The following NRG3 variants were observed in gnomAD, a reference collection of about 807,000 sequenced individuals.
NRG3 encodes neuregulin 3.
Under a neutral mutation model 66.9 loss-of-function variants are expected in NRG3, and 31 were observed. That is an observed-to-expected ratio of 0.46 (90% confidence interval 0.35 to 0.63). NRG3 has a LOEUF of 0.63. Ranked by LOEUF, NRG3 falls within the 20% of genes least tolerant of loss-of-function variation. The probability of loss-of-function intolerance (pLI) is 0.00; values close to 1 mark genes in which losing one functional copy is unlikely to be tolerated. For missense variants in NRG3, 910 were observed against 878.9 expected (o/e 1.04, Z -0.45); for synonymous variants, 393 against 359.4 (o/e 1.09, Z -1.06).
At chr10:82,615,619 G>T (rs1565129394) in intron 2 of NRG3, among the ~76,000 whole-genome samples, 1 of 152,132 alleles carries the variant, frequency 6.6e-6, no homozygotes, top group Non-Finnish European at 1.5e-5. Context: ...GTTAGAAATA[G>T]AATGGGATCA....
chr10:82,817,520 T>A (rs1163544477), intron 3 of NRG3, among the ~76,000 whole-genome samples: 2 of 152,240 alleles, frequency 1.3e-5, no homozygotes, highest in Non-Finnish European at 2.9e-5. Context: ...TTGCTTTGTT[T>A]GCTTCTCTTA....
intron 1 of NRG3, among the ~76,000 whole-genome samples, chr10:81,999,375 A>C (rs2061076735): frequency 6.6e-6 from 1 of 150,872 alleles, no homozygotes; most frequent in African/African-American, 2.5e-5. Flanking sequence ...GTTTTCAACT[A>C]AGTTATTTTG....
chr10:82,251,722 G>T (rs1039966800), intron 1 of NRG3, among the ~76,000 whole-genome samples: 1 of 152,146 alleles, frequency 6.6e-6, no homozygotes, highest in Admixed American at 6.5e-5. Context: ...GGCAAGGTAG[G>T]GATCTTCGTT....
intron 1 of NRG3, among the ~76,000 whole-genome samples, chr10:81,911,536 A>G (rs1845147257): frequency 6.6e-6 from 1 of 151,048 alleles, no homozygotes; most frequent in Non-Finnish European, 1.5e-5. Flanking sequence ...CAGCAGGTCA[A>G]GTCCCATTTG....
chr10:82,836,780 C>T (rs547364260), intron 3 of NRG3, among the ~76,000 whole-genome samples: 64 of 151,118 alleles, frequency 4.2e-4, no homozygotes, highest in African/African-American at 1.3e-3. Context: ...ATGTACACAA[C>T]GTGCAGGTTA....
intron 2 of NRG3, among the ~76,000 whole-genome samples, chr10:82,364,746 A>G (rs767561615): frequency 6.6e-6 from 1 of 152,250 alleles, no homozygotes; most frequent in Non-Finnish European, 1.5e-5. Context: ...TTTGACCTGT[A>G]TTGACCATTT....
chr10:82,501,236 G>A lies in NRG3; in HGVS notation c.953+142368G>A, dbSNP rs897280787. On this transcript the variant is annotated intron_variant, in intron 2 of 8. Coordinates refer to ENST00000372141, the MANE Select transcript of NRG3 (RefSeq NM_001010848.4). ...AAGCACGGCCAAGTAAGAAAGAAGTGGACTGGAGATAGAGCTGCCATCTAT... is the reference window on the plus strand; with the variant it reads ...AAGCACGGCCAAGTAAGAAAGAAGTAGACTGGAGATAGAGCTGCCATCTAT... 3.9e-5 allele frequency among the ~76,000 whole-genome samples: 6 copies of A among 152,140 alleles called. No individual in the cohort carries two copies. The East Asian group carries it at 9.7e-4, about 25-fold the overall frequency.
chr10:81,969,771 G>C (rs1041348236), intron 1 of NRG3, among the ~76,000 whole-genome samples: 5 of 137,818 alleles, frequency 3.6e-5, no homozygotes, highest in Non-Finnish European at 4.5e-5. Context: ...TGGACATTTT[G>C]AGTGTGTGTG....
chr10:82,611,412 C>T (rs375644424), intron 2 of NRG3, among the ~76,000 whole-genome samples: 8 of 152,050 alleles, frequency 5.3e-5, no homozygotes, highest in African/African-American at 1.9e-4. Context: ...TGCTATCCCT[C>T]CCCCAGCCCC....
chr10:82,673,336 A>T (rs2053436892), intron 2 of NRG3, among the ~76,000 whole-genome samples: 2 of 152,222 alleles, frequency 1.3e-5, no homozygotes, highest in Non-Finnish European at 2.9e-5. Flanking sequence ...TTTCAATGGT[A>T]AATAGTAGAG....
intron 2 of NRG3, among the ~76,000 whole-genome samples, chr10:82,719,097 G>A (rs2057143679): frequency 6.6e-6 from 1 of 152,188 alleles, no homozygotes; most frequent in Non-Finnish European, 1.5e-5. Flanking sequence ...TGAGTGCCCA[G>A]AGGGGATAAA....
At position 82,678,835 on chromosome 10, in the gene NRG3, A is replaced by T. The variant is rs952832102; in HGVS notation, c.954-59742A>T. ...TGCATTTTATGGAGCTCCTTTCCTC[A>T]GAAGAGTGTTGACAGGATAAAAACA... is the stretch of plus-strand genomic sequence containing the variant. On this transcript the variant is annotated intron_variant, in intron 2 of 8. Coordinates refer to ENST00000372141, the MANE Select transcript of NRG3 (RefSeq NM_001010848.4). 2.0e-5 allele frequency among the ~76,000 whole-genome samples: 3 copies of T among 152,130 alleles called. No individual in the cohort carries two copies. The South Asian group carries it at 6.2e-4, about 32-fold the overall frequency.
chr10:82,631,594 T>TG (rs1160116954), intron 2 of NRG3, among the ~76,000 whole-genome samples: 1 of 151,832 alleles, frequency 6.6e-6, no homozygotes, highest in African/African-American at 2.4e-5. Context: ...CGTGGTTTTT[T>TG]TTTTTTTTTT....
chr10:82,922,691 GA>G (rs1381123195), intron 4 of NRG3, among the ~76,000 whole-genome samples: 2 of 152,168 alleles, frequency 1.3e-5, no homozygotes, highest in Non-Finnish European at 2.9e-5. Flanking sequence ...AACAGATATT[GA>G]GGAGCAGGAG....
intron 2 of NRG3, among the ~76,000 whole-genome samples, chr10:82,549,613 C>T (rs1262947159): frequency 6.6e-6 from 1 of 152,144 alleles, no homozygotes; most frequent in East Asian, 1.9e-4. Flanking sequence ...CTATCTGTTA[C>T]AAAGCTGATG....
intron 7 of NRG3, among the ~76,000 whole-genome samples, chr10:82,978,610 G>T (rs1051334167): frequency 6.6e-6 from 1 of 152,184 alleles, no homozygotes; most frequent in Non-Finnish European, 1.5e-5. Flanking sequence ...TGATGGCTTG[G>T]ATAATCAGGA....
chr10:82,687,004 A>G (rs1408855668), intron 2 of NRG3, among the ~76,000 whole-genome samples: 1 of 152,222 alleles, frequency 6.6e-6, no homozygotes, highest in African/African-American at 2.4e-5. Context: ...AAATGACTTC[A>G]TGTTAAAGAA....
intron 2 of NRG3, among the ~76,000 whole-genome samples, chr10:82,737,032 T>TG (rs1241427548): frequency 1.3e-5 from 2 of 151,852 alleles, no homozygotes; most frequent in Non-Finnish European, 2.9e-5. Flanking sequence ...GAATTTATTT[T>TG]TTTATGACAA....
chr10:82,197,292 A>G (rs933736218), intron 1 of NRG3, among the ~76,000 whole-genome samples: 1 of 152,142 alleles, frequency 6.6e-6, no homozygotes, highest in Non-Finnish European at 1.5e-5. Context: ...TTTTTTTCAA[A>G]GAGATGTGTG....
Sources: gnomAD v4.1 joint callset for allele counts (sites outside exome capture counted in the v4.1 genomes callset) on GRCh38, gnomAD v4.1.1 for gene constraint, MANE v1.5 for transcripts, NCBI Gene and HGNC (gene_info 2026-07-23, HGNC 2026-07-21) for gene names.